Variants in KANSL1L observed in about 807,000 individuals in gnomAD.
The protein encoded by KANSL1L is KAT8 regulatory NSL complex subunit 1-like protein.
KANSL1L carries 25 observed loss-of-function variants against 108.6 expected under a neutral mutation model. The ratio of observed to expected loss-of-function variants is 0.23; its 90% CI spans 0.17 to 0.32. KANSL1L has a LOEUF of 0.32. Among genes scored for constraint, KANSL1L ranks in the 10% least tolerant of loss-of-function variants. The pLI is 1.00. For synonymous variants in KANSL1L, 405 were observed against 395.1 expected (o/e 1.03, Z -0.30); for missense variants, 1,137 against 1,125.7 (o/e 1.01, Z -0.14).
intron 5 of KANSL1L, among the ~76,000 whole-genome samples, chr2:210,083,468 CT>C (rs896310017): frequency 1.3e-5 from 2 of 152,134 alleles, no homozygotes; most frequent in Non-Finnish European, 2.9e-5. Flanking sequence ...CTTTTCCATA[CT>C]TTCCCTACTA....
chr2:210,024,258 T>C (rs1414066565), intron 13 of KANSL1L, 57 bp from the exon 14 acceptor site: 2 of 1,393,346 alleles, frequency 1.4e-6, no homozygotes, highest in African/African-American at 2.9e-5. Flanking sequence ...TCTTGAAAAT[T>C]TATGAACAAC....
chr2:210,055,633 T>C (rs2094341863), intron 6 of KANSL1L, among the ~76,000 whole-genome samples: 1 of 152,154 alleles, frequency 6.6e-6, no homozygotes, highest in Non-Finnish European at 1.5e-5. Flanking sequence ...TGATCTCAGA[T>C]GGAGATGAGG....
At chr2:210,114,916 C>G (rs2094940014) in intron 3 of KANSL1L, among the ~76,000 whole-genome samples, 1 of 150,520 alleles carries the variant, frequency 6.6e-6, no homozygotes, top group Non-Finnish European at 1.5e-5. Context: ...CCATAGGCAA[C>G]CACAAAGAAA....
chr2:210,087,493 A>G (rs1260567864), intron 5 of KANSL1L, among the ~76,000 whole-genome samples: 2 of 152,230 alleles, frequency 1.3e-5, no homozygotes, highest in Non-Finnish European at 2.9e-5. Flanking sequence ...CAAATAGAAT[A>G]TCAATCTGAC....
At chr2:210,026,866 G>A (rs962791525) in intron 12 of KANSL1L, among the ~76,000 whole-genome samples, 5 of 152,108 alleles carry the variant, frequency 3.3e-5, no homozygotes, top group Admixed American at 1.3e-4. Context: ...CGCCTCCCGG[G>A]TTCACGCTAT....
intron 6 of KANSL1L, among the ~76,000 whole-genome samples, chr2:210,058,085 C>G (rs1241599596): frequency 6.6e-6 from 1 of 152,220 alleles, no homozygotes; most frequent in Non-Finnish European, 1.5e-5. Flanking sequence ...AGCCATATTT[C>G]TCTTCTTTCA....
intron 1 of KANSL1L, among the ~76,000 whole-genome samples, chr2:210,158,768 T>C (rs938891020): frequency 6.7e-6 from 1 of 149,656 alleles, no homozygotes; most frequent in African/African-American, 2.5e-5. Context: ...CTAATGAAAA[T>C]AGCTATGTCT....
chr2:210,057,894 G>A (rs933008654), intron 6 of KANSL1L, among the ~76,000 whole-genome samples: 1 of 152,096 alleles, frequency 6.6e-6, no homozygotes, highest in Admixed American at 6.6e-5. Flanking sequence ...AGCTGAGGAG[G>A]ATGTACATCA....
chr2:210,032,280 A>G (rs187695009), intron 8 of KANSL1L: 2 of 152,346 alleles, frequency 1.3e-5, no homozygotes, highest in Admixed American at 1.3e-4. Context: ...CAAGATGGCA[A>G]ATGACCCTAA....
chr2:210,098,985 A>G (rs544947578), intron 4 of KANSL1L, among the ~76,000 whole-genome samples: 1 of 152,144 alleles, frequency 6.6e-6, no homozygotes, highest in South Asian at 2.1e-4. Flanking sequence ...CAAAAGAATG[A>G]CAACTATTTT....
At chr2:210,070,338 C>T (rs1268737392) in intron 6 of KANSL1L, among the ~76,000 whole-genome samples, 1 of 137,750 alleles carries the variant, frequency 7.3e-6, no homozygotes, top group African/African-American at 2.7e-5. Context: ...TCATGCCATT[C>T]TCCTGCCTCA....
intron 1 of KANSL1L, among the ~76,000 whole-genome samples, chr2:210,156,314 A>G (rs1361749104): frequency 6.6e-6 from 1 of 152,078 alleles, no homozygotes; most frequent in East Asian, 1.9e-4. Flanking sequence ...ATCTATTGGG[A>G]TCATAAATTG....
rs77827513 is a variant in KANSL1L, at chr2:210,127,344, G to C, written c.1230+1687C>G. ...AAAACCTAAAACTATAAAACTCTAAGAAGAAATATAGGGTAAGTGCTTCAT... is the reference window on the plus strand; with the variant it reads ...AAAACCTAAAACTATAAAACTCTAACAAGAAATATAGGGTAAGTGCTTCAT... On this transcript the variant is annotated intron_variant, in intron 3 of 14. Transcript: ENST00000281772. 9.1e-4 allele frequency among the ~76,000 whole-genome samples: 139 copies of C among 152,148 alleles called. 1 individual carries two copies. The highest frequency in any genetic ancestry group is 3.3e-3 in the African/African-American group (135 of 41,514).
chr2:210,092,996 G>A (rs1315320988), intron 5 of KANSL1L, among the ~76,000 whole-genome samples: 1 of 152,088 alleles, frequency 6.6e-6, no homozygotes, highest in East Asian at 1.9e-4. Context: ...CTAGTGGTGG[G>A]GAAAGGGAAA....
chr2:210,152,749 G>T, intron 2 of KANSL1L: 1 of 152,176 alleles, frequency 6.6e-6, no homozygotes, highest in East Asian at 1.9e-4. Flanking sequence ...AAAAAAAGTA[G>T]TAAGTCAACT....
chr2:210,079,662 ATATG>A (rs1238052062), intron 5 of KANSL1L: 1 of 12,664 alleles, frequency 7.9e-5, no homozygotes, highest in African/African-American at 2.0e-4. Context: ...ATATATATAT[ATATG>A]TATGTGTGTA....
intron 2 of KANSL1L, among the ~76,000 whole-genome samples, chr2:210,135,408 A>G (rs1329026822): frequency 6.6e-6 from 1 of 152,182 alleles, no homozygotes; most frequent in Non-Finnish European, 1.5e-5. Flanking sequence ...TTTTTGGATA[A>G]TAGAGCTCCT....
In KANSL1L at chr2:210,157,691, GAAAAAAAAA is replaced by G. The variant is rs56676129; in HGVS notation, c.-29-3089_-29-3081del. 3.0e-3 allele frequency among the ~76,000 whole-genome samples: 141 copies of G among 47,214 alleles called. 3 individuals carry two copies. The highest frequency in any genetic ancestry group is 0.028 in the East Asian group (22 of 788). 31.0% of individuals were successfully genotyped at this position (47,214 alleles called of 152,430 possible). On this transcript the variant is annotated intron_variant, in intron 1 of 14. Coordinates refer to ENST00000281772, the MANE Select transcript of KANSL1L (RefSeq NM_152519.4). ...AGCAACAGAGCAAAACACTGTCACA[GAAAAAAAAA>G]AAAAAAAAAAAAAAAAAAAAGATAC...
chr2:210,157,691 G>GAAAAA lies in KANSL1L; in HGVS notation c.-29-3085_-29-3081dup, dbSNP rs56676129. Among the ~76,000 whole-genome samples, 23 of 47,200 alleles carry GAAAAA rather than the reference G, an allele frequency of 4.9e-4. 1 individual carries two copies. Among genetic ancestry groups the GAAAAA allele is most frequent in the South Asian group, 8.5e-4 (1 of 1,182 alleles). The allele number at this position is 47,200 out of a possible 152,430, so 31.0% of individuals were successfully genotyped here. A position where few individuals can be genotyped will look rare whatever the true frequency, so the allele number is the denominator to read the frequency against. ...AGCAACAGAGCAAAACACTGTCACA[G>GAAAAA]AAAAAAAAAAAAAAAAAAAAAAAAA... On this transcript the variant is annotated intron_variant, in intron 1 of 14. Coordinates refer to ENST00000281772, the MANE Select transcript of KANSL1L (RefSeq NM_152519.4).
Sources: allele counts gnomAD v4.1 joint callset (sites outside exome capture counted in the v4.1 genomes callset), GRCh38; gene constraint gnomAD v4.1.1; transcripts MANE v1.5; gene names NCBI Gene and HGNC (gene_info 2026-07-23, HGNC 2026-07-21).